Variants in STK32A observed in about 807,000 individuals in gnomAD.
STK32A encodes the protein serine/threonine-protein kinase 32A.
STK32A carries 41 observed loss-of-function variants against 53.2 expected under a neutral mutation model. The observed-to-expected ratio is 0.77, with a 90% CI of 0.60 to 1.00. STK32A has a LOEUF of 1.00. Ranked by LOEUF, STK32A falls within the 50% of genes least tolerant of loss-of-function variation. STK32A has a pLI of 0.00. For missense variants in STK32A, 458 were observed against 485.8 expected (o/e 0.94, Z 0.54); for synonymous variants, 166 against 162.8 (o/e 1.02, Z -0.15).
At chr5:147,382,259 G>C (rs1006719643) in intron 11 of STK32A, among the ~76,000 whole-genome samples, 6 of 152,122 alleles carry the variant, frequency 3.9e-5, no homozygotes, top group Admixed American at 1.3e-4. Flanking sequence ...GCACTTTTCA[G>C]CTCAAGAATT....
chr5:147,238,299 A>G (rs1482148853), intron 1 of STK32A, among the ~76,000 whole-genome samples: 1 of 152,212 alleles, frequency 6.6e-6, no homozygotes, highest in African/African-American at 2.4e-5. Context: ...TGTCTGCCCA[A>G]TGCACTAATG....
chr5:147,342,246 A>C (rs973527390), intron 5 of STK32A, among the ~76,000 whole-genome samples: 1 of 152,200 alleles, frequency 6.6e-6, no homozygotes, highest in African/African-American at 2.4e-5. Flanking sequence ...CTTACTCTTT[A>C]CTTAAAAATA....
At chr5:147,276,268 T>C (rs1393405214) in intron 2 of STK32A, among the ~76,000 whole-genome samples, 1 of 152,154 alleles carries the variant, frequency 6.6e-6, no homozygotes, top group African/African-American at 2.4e-5. Flanking sequence ...TATCATGACA[T>C]AGTAAATGAA....
intron 4 of STK32A, among the ~76,000 whole-genome samples, chr5:147,293,352 T>G (rs926989443): frequency 2.0e-5 from 3 of 151,978 alleles, no homozygotes; most frequent in Admixed American, 2.0e-4. Flanking sequence ...TACAAATATA[T>G]TCAAAGAAAG....
At chr5:147,310,381 T>G (rs1236701170) in intron 4 of STK32A, among the ~76,000 whole-genome samples, 1 of 152,210 alleles carries the variant, frequency 6.6e-6, no homozygotes, top group African/African-American at 2.4e-5. Context: ...TGGTGTAGCT[T>G]GGTCAATAAG....
intron 4 of STK32A, among the ~76,000 whole-genome samples, chr5:147,306,835 C>T (rs116733462): frequency 3.0e-3 from 459 of 152,034 alleles, no homozygotes; most frequent in Middle Eastern, 6.8e-3. Context: ...AAGAAAGATG[C>T]GTTTATCAGT....
intron 4 of STK32A, among the ~76,000 whole-genome samples, chr5:147,280,784 C>G (rs1752027948): frequency 6.6e-6 from 1 of 152,082 alleles, no homozygotes; most frequent in Non-Finnish European, 1.5e-5. Context: ...CCCATAATAC[C>G]AAAGCTGATG....
intron 4 of STK32A, among the ~76,000 whole-genome samples, chr5:147,282,045 A>G (rs1332205491): frequency 2.6e-5 from 4 of 152,336 alleles, no homozygotes; most frequent in Non-Finnish European, 5.9e-5. Context: ...TTTTCAGACA[A>G]ACAAATGCTG....
At chr5:147,373,073 A>G in intron 9 of STK32A, 96 bp from the exon 10 acceptor site, 1 of 1,478,898 alleles carries the variant, frequency 6.8e-7, no homozygotes, top group Non-Finnish European at 9.2e-7. Flanking sequence ...ATTTTCCTTC[A>G]GTCCTACAGT....
At chr5:147,302,261 T>C (rs1196160804) in intron 4 of STK32A, among the ~76,000 whole-genome samples, 1 of 152,190 alleles carries the variant, frequency 6.6e-6, no homozygotes, top group Non-Finnish European at 1.5e-5. Flanking sequence ...CAACGTTTTA[T>C]TGTAATTGTT....
chr5:147,334,895 C>T (rs984402766), intron 5 of STK32A, among the ~76,000 whole-genome samples: 3 of 152,216 alleles, frequency 2.0e-5, no homozygotes, highest in Non-Finnish European at 4.4e-5. Context: ...ATGAGGGATA[C>T]ATTCAAGACC....
In STK32A at chr5:147,351,070, G is replaced by A. The variant is rs747875321; in HGVS notation, c.478G>A (p.Val160Met). The A allele has an allele frequency of 6.8e-6, 11 of 1,613,638 alleles. No homozygotes were observed. The highest frequency in any genetic ancestry group is 6.7e-5 in the African/African-American group (5 of 74,924). The change falls in exon 7 of 13, where the codon GTG (valine) becomes ATG (methionine). Residue 160 changes from valine to methionine, a missense_variant. Coordinates refer to ENST00000397936, the MANE Select transcript of STK32A (RefSeq NM_001112724.2). The part of the protein sequence containing the change: ...DNILLDEHGH[V>M]HITDFNIAAM... Reference sequence around the variant, plus strand: ...TGGTTCTTCTCTCTCTGCAGGGCACGTGCACATCACAGATTTCAACATTGC... The same window carrying A: ...TGGTTCTTCTCTCTCTGCAGGGCACATGCACATCACAGATTTCAACATTGC...
intron 2 of STK32A, among the ~76,000 whole-genome samples, chr5:147,249,534 T>C (rs2151941654): frequency 6.6e-6 from 1 of 152,250 alleles, no homozygotes; most frequent in South Asian, 2.1e-4. Context: ...TTTTCTGATC[T>C]GTGAAATCTG....
intron 7 of STK32A, among the ~76,000 whole-genome samples, chr5:147,358,228 CACAGTGA>C (rs1336337513): frequency 6.6e-6 from 1 of 151,782 alleles, no homozygotes; most frequent in East Asian, 1.9e-4. Context: ...CAATTTAAAC[CACAGTGA>C]AATACTATTA....
chr5:147,241,560 C>T (rs1447770033), intron 2 of STK32A, among the ~76,000 whole-genome samples: 1 of 152,196 alleles, frequency 6.6e-6, no homozygotes, highest in Non-Finnish European at 1.5e-5. Flanking sequence ...TATTCACTAT[C>T]AGTTTGGAGG....
intron 5 of STK32A, among the ~76,000 whole-genome samples, chr5:147,341,627 A>G (rs1005866284): frequency 6.6e-6 from 1 of 152,122 alleles, no homozygotes; most frequent in Admixed American, 6.5e-5. Context: ...GACTATAAGT[A>G]CACACCACTG....
chr5:147,256,523 T>A (rs543872745), intron 2 of STK32A, among the ~76,000 whole-genome samples: 1 of 152,184 alleles, frequency 6.6e-6, no homozygotes, highest in Non-Finnish European at 1.5e-5. Context: ...TTTTGTTTTG[T>A]TTTTTGAGAC....
chr5:147,295,008 G>A (rs911608381), intron 4 of STK32A, among the ~76,000 whole-genome samples: 13 of 152,058 alleles, frequency 8.5e-5, no homozygotes, highest in Non-Finnish European at 1.6e-4. Context: ...AATTACATAC[G>A]ATAACTACAA....
At chr5:147,342,872 A>G (rs139194633) in intron 5 of STK32A, 134 bp from the exon 6 acceptor site, 814 of 674,448 alleles carry the variant, frequency 1.2e-3, no homozygotes, top group South Asian at 2.0e-3. Flanking sequence ...GTGAGAATTG[A>G]ATGAGAAGAT....
Sources: allele counts gnomAD v4.1 joint callset (sites outside exome capture counted in the v4.1 genomes callset), GRCh38; gene constraint gnomAD v4.1.1; transcripts MANE v1.5; gene names NCBI Gene and HGNC (gene_info 2026-07-23, HGNC 2026-07-21).